The following TTYH2 variants were observed in gnomAD, a reference collection of about 807,000 sequenced individuals.
TTYH2 encodes tweety family member 2.
In TTYH2, 49 loss-of-function variants were observed where a neutral mutation model predicts 68.3. The observed-to-expected ratio is 0.72, with a 90% confidence interval of 0.57 to 0.91. The LOEUF is 0.91. TTYH2 is among the 40% of genes least tolerant of loss of function. The pLI is 0.00. For missense variants in TTYH2, 631 were observed against 700.4 expected (o/e 0.90, Z 1.12); for synonymous variants, 272 against 300.8 (o/e 0.90, Z 0.99).
rs575105645 is a variant in TTYH2 at position 74,241,424 on chromosome 17, C to G, written c.636-1950C>G. 6.6e-6 allele frequency among the ~76,000 whole-genome samples: 1 copy of G among 152,312 alleles called. No homozygotes were observed. Among genetic ancestry groups the G allele is most frequent in the East Asian group, 1.9e-4 (1 of 5,174 alleles). On this transcript the variant is annotated intron_variant, in intron 4 of 13. Transcript: ENST00000269346. This position sits in a 1 kb window ranked among gnomAD's most constrained non-coding sequence, Gnocchi z 4.1. The stretch of plus-strand genomic sequence containing the variant: ...TCTGCCCACTCCCCAAAGCCCCCGG[C>G]TCCATTCCGGGGAACCCCAGAGACC...
intron 3 of TTYH2, among the ~76,000 whole-genome samples, chr17:74,235,133 CAA>C (rs769583424): frequency 6.6e-6 from 1 of 152,120 alleles, no homozygotes; most frequent in Non-Finnish European, 1.5e-5. Context: ...CAAAATGAAA[CAA>C]AGAGAGCCAT....
intron 6 of TTYH2, 154 bp downstream of exon 6, chr17:74,244,203 T>G: frequency 1.5e-6 from 1 of 673,216 alleles, no homozygotes; most frequent in Admixed American, 2.7e-5. Flanking sequence ...AACCGGCCCC[T>G]CTCGTTACAG....
chr17:74,228,388 C>A (rs1208715260), intron 2 of TTYH2, among the ~76,000 whole-genome samples: 1 of 152,308 alleles, frequency 6.6e-6, no homozygotes, highest in Admixed American at 6.5e-5. Flanking sequence ...CATCTCCCCC[C>A]ACCCCAACCC....
intron 3 of TTYH2, among the ~76,000 whole-genome samples, chr17:74,235,195 C>T (rs2050430479): frequency 1.3e-5 from 2 of 152,198 alleles, no homozygotes; most frequent in African/African-American, 4.8e-5. Context: ...TGTAAAAGGC[C>T]ACACAGCTGA....
intron 6 of TTYH2, among the ~76,000 whole-genome samples, chr17:74,245,081 C>G (rs1297695157): frequency 6.6e-6 from 1 of 152,178 alleles, no homozygotes; most frequent in Non-Finnish European, 1.5e-5. Context: ...ACTCACACCT[C>G]GTCCAGTGAC....
intron 5 of TTYH2, 40 bp downstream of exon 5, chr17:74,243,509 G>A (rs1302696739): frequency 6.3e-7 from 1 of 1,598,958 alleles, no homozygotes; most frequent in Admixed American, 1.7e-5. Flanking sequence ...AAAGAGCTGG[G>A]CAGGATGCCA....
chr17:74,249,997 A>G lies in TTYH2; in HGVS notation c.992A>G (p.Gln331Arg). Residue 331 changes from glutamine (Q) to arginine (R), a missense_variant, in exon 9 of 14, where the codon CAG becomes CGG. Transcript: ENST00000269346. ...TMQIQVAGLL[Q>R]FAVPLFSTAE... The stretch of plus-strand genomic sequence containing the variant: ...CAGATCCAGGTCGCGGGGCTGCTGC[A>G]GTTTGCCGTGCCCCTCTTCTCCACT... The G allele has an allele frequency of 1.2e-6, 2 of 1,614,102 alleles. No individual in the cohort carries two copies. Among genetic ancestry groups the G allele is most frequent in the Non-Finnish European group, 1.7e-6 (2 of 1,180,014 alleles).
chr17:74,225,888 G>A (rs1206073111), intron 2 of TTYH2, among the ~76,000 whole-genome samples: 1 of 152,232 alleles, frequency 6.6e-6, no homozygotes, highest in Non-Finnish European at 1.5e-5. Context: ...GCATAGATGC[G>A]GGCAAGAGTA....
chr17:74,233,939 G>A (rs1363905841), intron 3 of TTYH2, among the ~76,000 whole-genome samples: 1 of 152,174 alleles, frequency 6.6e-6, no homozygotes, highest in East Asian at 1.9e-4. Flanking sequence ...GCTGACCCGA[G>A]GTTGAAAATG....
chr17:74,240,726 A>G (rs1317338896), intron 4 of TTYH2: 1 of 152,204 alleles, frequency 6.6e-6, no homozygotes, highest in Non-Finnish European at 1.5e-5. Context: ...TTGAGAGGCT[A>G]CGGTTGAGGG....
At chr17:74,257,940 G>A (rs960114264) in intron 13 of TTYH2, among the ~76,000 whole-genome samples, 15 of 152,072 alleles carry the variant, frequency 9.9e-5, no homozygotes, top group African/African-American at 3.4e-4. Flanking sequence ...GATCACTTGA[G>A]GCCAGGAGCT....
At position 74,253,247 on chromosome 17, in the gene TTYH2, G is replaced by A. The variant is rs780963856; in HGVS notation, c.1426G>A (p.Ala476Thr). The change falls in exon 12 of 14, where the codon GCC (alanine) becomes ACC (threonine). Residue 476 changes from alanine to threonine, a missense_variant. Physicochemically the swap from Ala to Thr is moderately conservative, Grantham distance 58. Coordinates refer to ENST00000269346, the MANE Select transcript of TTYH2 (RefSeq NM_032646.6). ...GCCCCCGGCCCAGACCATCTCCAAC[G>A]CCCCTGTCTCCGAGTACATGTACGG... is the stretch of plus-strand genomic sequence containing the variant. ...LQPPAQTISN[A>T]PVSEYMNQAM... is the part of the protein sequence containing the mutation. 35 of 1,603,092 alleles carry A rather than the reference G, an allele frequency of 2.2e-5. No homozygotes were observed. In the South Asian group the frequency reaches 3.1e-4, roughly 14 times the overall value.
chr17:74,257,870 CT>C (rs2050708867), intron 13 of TTYH2, among the ~76,000 whole-genome samples: 1 of 152,142 alleles, frequency 6.6e-6, no homozygotes, highest in South Asian at 2.1e-4. Flanking sequence ...GAAGGAGGGT[CT>C]TGGCCAGCAC....
chr17:74,230,767 C>T, intron 2 of TTYH2, 121 bp from the exon 3 acceptor site: 1 of 950,610 alleles, frequency 1.1e-6, no homozygotes, highest in South Asian at 1.7e-5. Flanking sequence ...AACTCAACCT[C>T]CTGAGTAGCT....
chr17:74,243,274 G>T, intron 4 of TTYH2, 100 bp from the exon 5 acceptor site: 1 of 968,824 alleles, frequency 1.0e-6, no homozygotes, highest in Non-Finnish European at 1.7e-6. Flanking sequence ...CATAGTAGAG[G>T]GTCCAGTGTG....
chr17:74,250,572 G>T lies in TTYH2; in HGVS notation c.1116+215G>T, dbSNP rs906169288. On this transcript the variant is annotated intron_variant, in intron 10 of 13. Coordinates refer to ENST00000269346, the MANE Select transcript of TTYH2 (RefSeq NM_032646.6). ...TCAGTACAAGGGACCAGGGGTTCGG[G>T]ATGGGAGGGTTGGATGCGGTTGGCT... 4.3e-5 allele frequency: 23 copies of T among 537,890 alleles called. No individual in the cohort carries two copies. The Admixed American group carries it at 7.7e-4, about 18-fold the overall frequency. The allele number at this position is 537,890 out of a possible 1,614,324, so 33.3% of individuals were successfully genotyped here.
intron 2 of TTYH2, among the ~76,000 whole-genome samples, chr17:74,223,482 C>A (rs1292081106): frequency 6.6e-6 from 1 of 152,078 alleles, no homozygotes; most frequent in Non-Finnish European, 1.5e-5. Flanking sequence ...TTGCTCCCCC[C>A]TCAGCTTCCC....
chr17:74,213,861 T>G lies in TTYH2; in HGVS notation c.129+145T>G. On this transcript the variant is annotated intron_variant, in intron 1 of 13. Coordinates refer to ENST00000269346, the MANE Select transcript of TTYH2 (RefSeq NM_032646.6). This position sits in a 1 kb window ranked among gnomAD's most constrained non-coding sequence, Gnocchi z 6.1. ...GCCCTTTCCCGTCTCCCCTCTCCCC[T>G]TTTCCCCCACCCTCCCAGGCCCGTG... The G allele has an allele frequency of 9.2e-7, 1 of 1,082,388 alleles. No individual in the cohort carries two copies. The highest frequency in any genetic ancestry group is 1.3e-6 in the Non-Finnish European group (1 of 771,248). 67.0% of individuals were successfully genotyped at this position (1,082,388 alleles called of 1,614,324 possible).
In TTYH2 at chr17:74,223,557, G is replaced by A. The variant is rs542902416; in HGVS notation, c.302+900G>A. 1.6e-4 allele frequency among the ~76,000 whole-genome samples: 24 copies of A among 152,242 alleles called. No homozygotes were observed. The East Asian group carries it at 1.7e-3, about 11-fold the overall frequency. Reference sequence around the variant, plus strand: ...CTTAAAGTGAGGATTTATAACTCCCGTGCAGGAGTCCATACCCAGCCCACC... The same window carrying A: ...CTTAAAGTGAGGATTTATAACTCCCATGCAGGAGTCCATACCCAGCCCACC... On this transcript the variant is annotated intron_variant, in intron 2 of 13. Coordinates refer to ENST00000269346, the MANE Select transcript of TTYH2 (RefSeq NM_032646.6).
Sources: allele counts gnomAD v4.1 joint callset (sites outside exome capture counted in the v4.1 genomes callset), GRCh38; gene constraint gnomAD v4.1.1; non-coding constraint Gnocchi (gnomAD v3.1); transcripts MANE v1.5; gene names NCBI Gene and HGNC (gene_info 2026-07-23, HGNC 2026-07-21).